QTMAN: variants seen among roughly 807,000 people sequenced by gnomAD.
The protein encoded by QTMAN is queuosine-tRNA mannosyltransferase.
At chr2:144,092,663 C>A in the QTMAN span, among the ~76,000 whole-genome samples, 6 of 152,048 alleles carry the variant, frequency 3.9e-5, no homozygotes, top group Non-Finnish European at 5.9e-5. Flanking sequence ...CACAACTAAC[C>A]ATATACTGGG....
the QTMAN span, among the ~76,000 whole-genome samples, chr2:144,085,765 A>G: frequency 2.6e-4 from 40 of 152,246 alleles, no homozygotes; most frequent in Admixed American, 5.9e-4. Flanking sequence ...TTAAAGACAC[A>G]CTTATAAATT....
At chr2:144,021,374 G>A in the QTMAN span, among the ~76,000 whole-genome samples, 1 of 152,136 alleles carries the variant, frequency 6.6e-6, no homozygotes, top group Non-Finnish European at 1.5e-5. Flanking sequence ...TAGGCTAGAG[G>A]CATTTTCAGG....
At chr2:144,091,376 T>C in the QTMAN span, among the ~76,000 whole-genome samples, 1 of 152,182 alleles carries the variant, frequency 6.6e-6, no homozygotes, top group Non-Finnish European at 1.5e-5. Flanking sequence ...GTTACTCAGA[T>C]ACAATAATGT....
At chr2:143,947,100 A>G in the QTMAN span, 2 of 1,613,930 alleles carry the variant, frequency 1.2e-6, no homozygotes, top group African/African-American at 1.3e-5. Context: ...TGAATTTACC[A>G]TGTAGGGCTG....
At chr2:144,206,904 T>G in the QTMAN span, among the ~76,000 whole-genome samples, 3 of 152,302 alleles carry the variant, frequency 2.0e-5, no homozygotes, top group South Asian at 6.2e-4. Context: ...CTGTAGAAAT[T>G]TATTATACTG....
the QTMAN span, among the ~76,000 whole-genome samples, chr2:144,194,080 A>T: frequency 6.6e-6 from 1 of 152,188 alleles, no homozygotes; most frequent in African/African-American, 2.4e-5. Flanking sequence ...CTCACATTTT[A>T]AAATAAACAG....
the QTMAN span, among the ~76,000 whole-genome samples, chr2:144,251,142 G>A: frequency 2.6e-5 from 4 of 151,850 alleles, no homozygotes; most frequent in Non-Finnish European, 4.4e-5. Context: ...CACTGTTTCC[G>A]CTGCATACAA....
the QTMAN span, among the ~76,000 whole-genome samples, chr2:144,205,681 G>C: frequency 6.6e-6 from 1 of 152,138 alleles, no homozygotes; most frequent in Non-Finnish European, 1.5e-5. Flanking sequence ...GTGAAAAAAT[G>C]ATTTCTAAAT....
At chr2:144,143,974 C>T in the QTMAN span, among the ~76,000 whole-genome samples, 1 of 151,858 alleles carries the variant, frequency 6.6e-6, no homozygotes, top group Admixed American at 6.6e-5. Context: ...AACAGGACTG[C>T]CTTTTGACAC....
chr2:144,229,671 A>G, the QTMAN span, among the ~76,000 whole-genome samples: 1 of 152,226 alleles, frequency 6.6e-6, no homozygotes, highest in Non-Finnish European at 1.5e-5. Context: ...TTATAGAAAC[A>G]TATTAAGTTA....
At chr2:144,327,094 C>A in the QTMAN span, among the ~76,000 whole-genome samples, 1 of 152,124 alleles carries the variant, frequency 6.6e-6, no homozygotes, top group Non-Finnish European at 1.5e-5. Flanking sequence ...CCATTCTATA[C>A]CCTGGAGGAA....
At chr2:143,955,053 G>C in the QTMAN span, among the ~76,000 whole-genome samples, 1 of 152,080 alleles carries the variant, frequency 6.6e-6, no homozygotes, top group Admixed American at 6.6e-5. Flanking sequence ...GCCTGCAAAG[G>C]CTCTCAGTCG....
chr2:144,076,926 C>G, the QTMAN span, among the ~76,000 whole-genome samples: 2 of 151,580 alleles, frequency 1.3e-5, no homozygotes, highest in East Asian at 3.9e-4. Context: ...CAAGACCAAC[C>G]TGGGCAGCAA....
chr2:144,264,275 G>GA, the QTMAN span, among the ~76,000 whole-genome samples: 13 of 151,858 alleles, frequency 8.6e-5, no homozygotes, highest in Admixed American at 2.0e-4. Context: ...TTATTGTGGG[G>GA]AAAAAAAACT....
chr2:144,153,878 A>C, the QTMAN span, among the ~76,000 whole-genome samples: 1 of 152,212 alleles, frequency 6.6e-6, no homozygotes, highest in Non-Finnish European at 1.5e-5. Flanking sequence ...ACCACCCCTA[A>C]GAGATACGAC....
At chr2:144,079,047 C>T in the QTMAN span, among the ~76,000 whole-genome samples, 2 of 152,132 alleles carry the variant, frequency 1.3e-5, no homozygotes, top group Non-Finnish European at 2.9e-5. Context: ...TCTACCATAA[C>T]AATAAGAGTG....
At chr2:143,970,724 A>C in the QTMAN span, 1 of 1,606,500 alleles carries the variant, frequency 6.2e-7, no homozygotes, top group Non-Finnish European at 8.5e-7. Flanking sequence ...AAGATGCATT[A>C]ATACCTTAAA....
the QTMAN span, among the ~76,000 whole-genome samples, chr2:144,010,240 T>C: frequency 6.6e-6 from 1 of 151,978 alleles, no homozygotes; most frequent in African/African-American, 2.4e-5. Flanking sequence ...ACAACAGGAA[T>C]TGGTAACTGA....
At chr2:144,171,604 T>C in the QTMAN span, among the ~76,000 whole-genome samples, 1 of 152,108 alleles carries the variant, frequency 6.6e-6, no homozygotes, top group East Asian at 1.9e-4. Context: ...TTGATAAGAG[T>C]CAATGAAACA....
Sources: gnomAD v4.1 joint callset for allele counts (sites outside exome capture counted in the v4.1 genomes callset) on GRCh38, gnomAD v4.1.1 for gene constraint, MANE v1.5 for transcripts, NCBI Gene and HGNC (gene_info 2026-07-23, HGNC 2026-07-21) for gene names.